Variants in ADGRL3 observed in about 807,000 individuals in gnomAD.
ADGRL3 encodes the protein adhesion G protein-coupled receptor L3.
ADGRL3 carries 62 observed loss-of-function variants against 153.5 expected under a neutral mutation model. That is an observed-to-expected ratio of 0.40 (90% CI 0.33 to 0.50). The LOEUF is 0.50. Ranked by LOEUF, ADGRL3 falls within the 20% of genes least tolerant of loss-of-function variation. The probability of loss-of-function intolerance (pLI) is 0.47; values close to 1 mark genes in which losing one functional copy is unlikely to be tolerated. For synonymous variants in ADGRL3, 710 were observed against 672.5 expected (o/e 1.06, Z -0.86); for missense variants, 1,641 against 1,859.4 (o/e 0.88, Z 2.16).
At chr4:61,926,643 G>A (rs2098795562) in intron 13 of ADGRL3, among the ~76,000 whole-genome samples, 1 of 152,072 alleles carries the variant, frequency 6.6e-6, no homozygotes, top group Non-Finnish European at 1.5e-5. Context: ...CTACCTCACT[G>A]GGTTATTGTG....
At chr4:61,356,233 G>A (rs1442339638) in intron 1 of ADGRL3, among the ~76,000 whole-genome samples, 1 of 152,048 alleles carries the variant, frequency 6.6e-6, no homozygotes, top group South Asian at 2.1e-4. Flanking sequence ...TCTAGGTAAG[G>A]TTATAGATTT....
chr4:61,398,831 G>A (rs1039700208), intron 2 of ADGRL3, among the ~76,000 whole-genome samples: 2 of 151,480 alleles, frequency 1.3e-5, no homozygotes, highest in East Asian at 1.9e-4. Context: ...TGTAAATAAA[G>A]GAATCTTAAT....
In ADGRL3 at chr4:61,804,379, A is replaced by C. The variant is rs181135823; in HGVS notation, c.1400-9430A>C. On this transcript the variant is annotated intron_variant, in intron 8 of 26. Transcript: ENST00000683033. ...AGATCACTTGGATTGATGAAACAGA[A>C]GAGGAGATTCTGAACTAATTATAAG... Among the ~76,000 whole-genome samples, 379 of 152,278 alleles carry C rather than the reference A, an allele frequency of 2.5e-3. 1 individual carries two copies. Among genetic ancestry groups the C allele is most frequent in the Non-Finnish European group, 4.1e-3 (280 of 68,010 alleles).
chr4:61,366,048 A>G lies in ADGRL3; in HGVS notation c.-239-17076A>G, dbSNP rs149739477. Among the ~76,000 whole-genome samples, 830 of 152,294 alleles carry G rather than the reference A, an allele frequency of 5.4e-3. 8 individuals carry two copies. The highest frequency in any genetic ancestry group is 0.019 in the African/African-American group (787 of 41,554). On this transcript the variant is annotated intron_variant, in intron 1 of 26. Transcript: ENST00000683033. Reference sequence around the variant, plus strand: ...CCTATAATTTTGTTTGGCAAAGATAAATGTTTAGGTATTCTGTGATATGCT... The same window carrying G: ...CCTATAATTTTGTTTGGCAAAGATAGATGTTTAGGTATTCTGTGATATGCT...
intron 19 of ADGRL3, among the ~76,000 whole-genome samples, chr4:61,994,098 G>A (rs1268016843): frequency 6.6e-6 from 1 of 152,156 alleles, no homozygotes; most frequent in African/African-American, 2.4e-5. Flanking sequence ...ACTGAAATTA[G>A]TTTACATGTA....
At chr4:61,412,327 A>G (rs78677689) in intron 2 of ADGRL3, among the ~76,000 whole-genome samples, 4,646 of 152,166 alleles carry the variant, frequency 0.031, 221 homozygotes, top group East Asian at 0.21. Flanking sequence ...AGCTCAAGCA[A>G]TCCTATTGCC....
chr4:61,981,609 T>A lies in ADGRL3; in HGVS notation c.3016-1774T>A, dbSNP rs369578099. The stretch of plus-strand genomic sequence containing the variant: ...CAGAAAATATAAATAATAGACAATA[T>A]CTTCATATATTACACAAACTTTATG... On this transcript the variant is annotated intron_variant, in intron 18 of 26. Coordinates refer to ENST00000683033, the MANE Select transcript of ADGRL3 (RefSeq NM_001387552.1). Among the ~76,000 whole-genome samples, 8 of 152,196 alleles carry A rather than the reference T, an allele frequency of 5.3e-5. No individual in the cohort carries two copies. The East Asian group carries it at 1.5e-3, about 29-fold the overall frequency.
At chr4:61,355,519 T>C (rs1012656949) in intron 1 of ADGRL3, among the ~76,000 whole-genome samples, 53 of 152,230 alleles carry the variant, frequency 3.5e-4, no homozygotes, top group African/African-American at 1.2e-3. Flanking sequence ...TGATGGGGCA[T>C]ATCAAAATAT....
chr4:61,514,840 GTGTTTTT>G, intron 3 of ADGRL3, among the ~76,000 whole-genome samples: 1 of 152,008 alleles, frequency 6.6e-6, no homozygotes, highest in South Asian at 2.1e-4. Flanking sequence ...CTATTGACGT[GTGTTTTT>G]ATGTTTTGTT....
intron 1 of ADGRL3, among the ~76,000 whole-genome samples, chr4:61,225,946 T>C (rs1355466566): frequency 6.6e-6 from 1 of 152,210 alleles, no homozygotes; most frequent in African/African-American, 2.4e-5. Flanking sequence ...CACTGCTTTC[T>C]ACCTTCTTGT....
chr4:61,916,308 A>T (rs1012563279), intron 13 of ADGRL3, among the ~76,000 whole-genome samples: 2 of 152,316 alleles, frequency 1.3e-5, no homozygotes, highest in East Asian at 3.9e-4. Flanking sequence ...GAATCACAAG[A>T]TATAAATTGA....
In ADGRL3 at chr4:61,892,838, G is replaced by A; in HGVS notation, c.1663G>A (p.Ala555Thr). The change falls in exon 10 of 27, where the codon GCA becomes ACA. Residue 555 changes from alanine to threonine, a missense_variant. Coordinates refer to ENST00000683033, the MANE Select transcript of ADGRL3 (RefSeq NM_001387552.1). ...TGACATGACCACACACCTTCCATCA[G>A]CATCGTCCCAAATCCCAGCTCTCGA... Reference protein sequence around the residue: ...LDDMTTHLPSASSQIPALEES... With the variant: ...LDDMTTHLPSTSSQIPALEES... The A allele has an allele frequency of 6.2e-7, 1 of 1,613,656 alleles. No individual in the cohort carries two copies.
chr4:61,679,063 A>C (rs1235352998), intron 6 of ADGRL3, among the ~76,000 whole-genome samples: 2 of 152,040 alleles, frequency 1.3e-5, no homozygotes, highest in Non-Finnish European at 2.9e-5. Flanking sequence ...TAGTAAGAAA[A>C]GAGGTTTATT....
chr4:61,997,287 A>G (rs73823292), intron 20 of ADGRL3, among the ~76,000 whole-genome samples: 3,673 of 151,952 alleles, frequency 0.024, 105 homozygotes, highest in African/African-American at 0.062. Flanking sequence ...AATAGTGGAA[A>G]GACCATGGAC....
intron 2 of ADGRL3, among the ~76,000 whole-genome samples, chr4:61,431,929 T>C (rs2097360567): frequency 6.6e-6 from 1 of 152,192 alleles, no homozygotes; most frequent in Non-Finnish European, 1.5e-5. Flanking sequence ...CTAGCTGCTT[T>C]CATAGTTTTG....
chr4:61,437,123 A>C (rs763385537), intron 2 of ADGRL3, among the ~76,000 whole-genome samples: 1 of 152,210 alleles, frequency 6.6e-6, no homozygotes, highest in African/African-American at 2.4e-5. Flanking sequence ...ATATTGTTAC[A>C]TTTAAATTTA....
At chr4:61,423,881 C>T (rs2097242614) in intron 2 of ADGRL3, among the ~76,000 whole-genome samples, 1 of 152,004 alleles carries the variant, frequency 6.6e-6, no homozygotes, top group Non-Finnish European at 1.5e-5. Flanking sequence ...AGAGTAAAAA[C>T]ATTTAAAGGT....
At chr4:61,402,354 C>T (rs774647961) in intron 2 of ADGRL3, among the ~76,000 whole-genome samples, 1 of 152,026 alleles carries the variant, frequency 6.6e-6, no homozygotes, top group Non-Finnish European at 1.5e-5. Flanking sequence ...TTGCTTCCAC[C>T]AATGATTTAA....
chr4:61,432,573 CCTTTCTTTCTTT>C (rs1219373046), intron 2 of ADGRL3, among the ~76,000 whole-genome samples: 731 of 35,666 alleles, frequency 0.02, 36 homozygotes, highest in African/African-American at 0.052. Context: ...TCTTTCTCTT[CCTTTCTTTCTTT>C]CTTTCTTTCT....
Sources: gnomAD v4.1 joint callset for allele counts (sites outside exome capture counted in the v4.1 genomes callset) on GRCh38, gnomAD v4.1.1 for gene constraint, MANE v1.5 for transcripts, NCBI Gene and HGNC (gene_info 2026-07-23, HGNC 2026-07-21) for gene names.